Variants in CREBL2 observed in about 807,000 individuals in gnomAD.
CREBL2 encodes cAMP-responsive element-binding protein-like 2.
Under a neutral mutation model 19.5 loss-of-function variants are expected in CREBL2, and 4 were observed. The observed-to-expected ratio is 0.20, with a 90% CI of 0.10 to 0.47. The LOEUF is 0.47. CREBL2 is among the 20% of genes least tolerant of loss of function. The pLI is 0.98. For synonymous variants in CREBL2, 42 were observed against 46.6 expected (o/e 0.90, Z 0.40); for missense variants, 85 against 145.1 (o/e 0.59, Z 2.13).
chr12:12,620,470 T>C (rs1371349242), intron 1 of CREBL2, among the ~76,000 whole-genome samples: 1 of 152,092 alleles, frequency 6.6e-6, no homozygotes, highest in Non-Finnish European at 1.5e-5. Context: ...GCTCAAGCAA[T>C]CTGCCCGCCT....
At chr12:12,618,444 C>A (rs1274190262) in intron 1 of CREBL2, among the ~76,000 whole-genome samples, 2 of 149,900 alleles carry the variant, frequency 1.3e-5, no homozygotes, top group African/African-American at 2.5e-5. Flanking sequence ...GGTGGCGGGG[C>A]AGAGGCGCTC....
chr12:12,624,751 C>T lies in CREBL2; in HGVS notation c.16-11026C>T, dbSNP rs111317664. 2.3e-3 allele frequency among the ~76,000 whole-genome samples: 343 copies of T among 152,328 alleles called. 3 individuals are homozygous for T. The highest frequency in any genetic ancestry group is 7.8e-3 in the African/African-American group (325 of 41,570). ...GGACTCTTTGCCTTTTCTTGTGAGG[C>T]AACTGCCTTCCACCAGCAAGGACAA... On this transcript the variant is annotated intron_variant, in intron 1 of 3. Coordinates refer to ENST00000228865, the MANE Select transcript of CREBL2 (RefSeq NM_001310.4).
At position 12,642,902 on chromosome 12, in the gene CREBL2, C is replaced by G. The variant is rs1056870085; in HGVS notation, c.*904C>G. 4 of 152,576 alleles carry G rather than the reference C, an allele frequency of 2.6e-5. No individual in the cohort carries two copies. Among genetic ancestry groups the G allele is most frequent in the African/African-American group, 9.7e-5 (4 of 41,416 alleles). The allele number at this position is 152,576 out of a possible 1,614,324, so 9.5% of individuals were successfully genotyped here. A position where few individuals can be genotyped will look rare whatever the true frequency, so the allele number is the denominator to read the frequency against. On this transcript the variant is annotated 3_prime_UTR_variant, in exon 4 of 4. Coordinates refer to ENST00000228865, the MANE Select transcript of CREBL2 (RefSeq NM_001310.4). ...CAGGAGTGAATGTTCACACACTTTT[C>G]TTGCGTACTCAACTAAATTGGAGAA...
intron 3 of CREBL2, among the ~76,000 whole-genome samples, chr12:12,638,043 A>AGGTAGGGTATCTCAG (rs559433418): frequency 6.6e-6 from 1 of 152,114 alleles, no homozygotes; most frequent in Non-Finnish European, 1.5e-5. Context: ...GGGTATCTCA[A>AGGTAGGGTATCTCAG]GGTAGGGTAT....
intron 1 of CREBL2, among the ~76,000 whole-genome samples, chr12:12,627,949 G>A (rs780670701): frequency 4.0e-4 from 61 of 151,968 alleles, no homozygotes; most frequent in Non-Finnish European, 8.2e-4. Flanking sequence ...GTGCAATCTC[G>A]GCTCACTGCA....
At chr12:12,628,780 CA>C (rs1945421257) in intron 1 of CREBL2, among the ~76,000 whole-genome samples, 1 of 152,110 alleles carries the variant, frequency 6.6e-6, no homozygotes, top group African/African-American at 2.4e-5. Context: ...CCGGCTTGTT[CA>C]ATTTTTAATT....
At chr12:12,638,362 G>T (rs1469957779) in intron 3 of CREBL2, among the ~76,000 whole-genome samples, 1 of 152,074 alleles carries the variant, frequency 6.6e-6, no homozygotes, top group Non-Finnish European at 1.5e-5. Flanking sequence ...GCTTTAACCT[G>T]GGAAATGGAG....
intron 1 of CREBL2, among the ~76,000 whole-genome samples, chr12:12,621,660 C>A (rs1447699332): frequency 1.3e-5 from 2 of 151,894 alleles, no homozygotes; most frequent in Non-Finnish European, 2.9e-5. Context: ...TAAGCAGGGA[C>A]CAAATTACAA....
Position 12,642,141 on chromosome 12 carries a change from G to C in CREBL2, c.*143G>C, listed in dbSNP as rs1417114881. ...GTAAATCTGCAATTTCTACCAAAATGTGTGATCGTAGATCTCAAAGGATCT... is the reference window on the plus strand; with the variant it reads ...GTAAATCTGCAATTTCTACCAAAATCTGTGATCGTAGATCTCAAAGGATCT... On this transcript the variant is annotated 3_prime_UTR_variant, in exon 4 of 4. Coordinates refer to ENST00000228865, the MANE Select transcript of CREBL2 (RefSeq NM_001310.4). The C allele has an allele frequency of 2.0e-6, 1 of 491,528 alleles. No homozygotes were observed. The highest frequency in any genetic ancestry group is 3.3e-5 in the East Asian group (1 of 29,990). The allele number at this position is 491,528 out of a possible 1,614,324, so 30.4% of individuals were successfully genotyped here.
Position 12,615,150 on chromosome 12 carries a change from G to C in CREBL2, c.15+2963G>C, listed in dbSNP as rs1392184699. Among the ~76,000 whole-genome samples, 10 of 152,258 alleles carry C rather than the reference G, an allele frequency of 6.6e-5. No individual in the cohort carries two copies. In the East Asian group the frequency reaches 1.9e-3, roughly 29 times the overall value. On this transcript the variant is annotated intron_variant, in intron 1 of 3. Coordinates refer to ENST00000228865, the MANE Select transcript of CREBL2 (RefSeq NM_001310.4). ...CTGCGTCAGCCTCCTGAGTAGCTGG[G>C]ATTACAGGTGCATGCCACCACAACC...
intron 1 of CREBL2, among the ~76,000 whole-genome samples, chr12:12,633,781 A>C (rs1243487247): frequency 6.6e-6 from 1 of 152,198 alleles, no homozygotes; most frequent in African/African-American, 2.4e-5. Flanking sequence ...TGTGATACTA[A>C]TAGTGATTTC....
intron 2 of CREBL2, among the ~76,000 whole-genome samples, chr12:12,636,350 A>G (rs1428466337): frequency 2.0e-5 from 3 of 152,344 alleles, no homozygotes; most frequent in South Asian, 2.1e-4. Flanking sequence ...TAGACAAAGC[A>G]ATATAACAAT....
intron 3 of CREBL2, among the ~76,000 whole-genome samples, chr12:12,640,438 T>G (rs1367732799): frequency 1.3e-5 from 2 of 152,190 alleles, no homozygotes; most frequent in African/African-American, 4.8e-5. Context: ...ATCTTATGGT[T>G]TTCTTCCCTT....
At chr12:12,632,298 C>T (rs925696702) in intron 1 of CREBL2, among the ~76,000 whole-genome samples, 1 of 151,412 alleles carries the variant, frequency 6.6e-6, no homozygotes. Context: ...AGGATGGTCT[C>T]GATCTCCTGA....
chr12:12,620,128 C>T (rs1158556859), intron 1 of CREBL2, among the ~76,000 whole-genome samples: 1 of 152,166 alleles, frequency 6.6e-6, no homozygotes, highest in East Asian at 1.9e-4. Flanking sequence ...CTTTTCCTGT[C>T]CTCTTACTCA....
intron 1 of CREBL2, among the ~76,000 whole-genome samples, chr12:12,626,782 T>G (rs1945404906): frequency 6.6e-6 from 1 of 151,742 alleles, no homozygotes; most frequent in South Asian, 2.1e-4. Flanking sequence ...GTACCTGTAG[T>G]TCCAGCTACT....
intron 1 of CREBL2, among the ~76,000 whole-genome samples, chr12:12,634,665 T>C (rs923462026): frequency 1.3e-5 from 2 of 152,216 alleles, no homozygotes; most frequent in Admixed American, 6.5e-5. Context: ...CTTCTATGTA[T>C]TGTCTTATAA....
intron 1 of CREBL2, among the ~76,000 whole-genome samples, chr12:12,628,178 A>C (rs1201162509): frequency 6.6e-6 from 1 of 151,884 alleles, no homozygotes; most frequent in Non-Finnish European, 1.5e-5. Flanking sequence ...CATGCCTGGC[A>C]TTGGCTATCT....
At chr12:12,639,582 C>A (rs12830917) in intron 3 of CREBL2, among the ~76,000 whole-genome samples, 55,061 of 151,968 alleles carry the variant, frequency 0.36, 10,175 homozygotes, top group South Asian at 0.45. Flanking sequence ...GTTGGCCATT[C>A]GTATGTATTC....
Sources: allele counts gnomAD v4.1 joint callset (sites outside exome capture counted in the v4.1 genomes callset), GRCh38; gene constraint gnomAD v4.1.1; transcripts MANE v1.5; gene names NCBI Gene and HGNC (gene_info 2026-07-23, HGNC 2026-07-21).